The following CYP19A1 variants were observed in gnomAD, a reference collection of about 807,000 sequenced individuals.
The protein encoded by CYP19A1 is aromatase.
A neutral mutation model predicts 44.4 loss-of-function variants in CYP19A1; 32 were observed. The observed-to-expected ratio is 0.72, with a 90% CI of 0.54 to 0.97. The LOEUF (loss-of-function observed/expected upper bound fraction) is 0.97. Ranked by LOEUF, CYP19A1 falls within the 50% of genes least tolerant of loss-of-function variation. CYP19A1 has a pLI of 0.00. For synonymous variants in CYP19A1, 212 were observed against 215.6 expected, an observed-to-expected ratio of 0.98 and a Z score of 0.14; for missense variants, 598 against 637.8, an observed-to-expected ratio of 0.94 and a Z score of 0.67.
chr15:51,315,112 A>T (rs1017586122), intron 1 of CYP19A1, among the ~76,000 whole-genome samples: 4 of 152,098 alleles, frequency 2.6e-5, no homozygotes, highest in Non-Finnish European at 5.9e-5. Context: ...TGGCCTTGAG[A>T]TAACACAGAA....
chr15:51,332,263 A>C (rs989653517), intron 1 of CYP19A1, among the ~76,000 whole-genome samples: 5 of 152,006 alleles, frequency 3.3e-5, no homozygotes, highest in Admixed American at 2.0e-4. Context: ...CATTATACCA[A>C]CATAAGAGTC....
At position 51,227,858 on chromosome 15, in the gene CYP19A1, G is replaced by T; in HGVS notation, c.372C>A (p.Cys124Ter). The change falls in exon 4 of 10, where the codon TGC (cysteine) becomes TGA (stop). Residue 124 changes from cysteine (C) to a stop codon, truncating the protein, a stop_gained. Transcript: ENST00000396402. LOFTEE classifies it high-confidence loss of function. ...TGATGCCTTTCTCATGCATACCGATGCACTGCAGCCCAAGTTTGCTGCCGA... is the reference window on the plus strand; with the variant it reads ...TGATGCCTTTCTCATGCATACCGATTCACTGCAGCCCAAGTTTGCTGCCGA... ...SRFGSKLGLQ[C>*]IGMHEKGIIF... 2 of 1,531,396 alleles carry T rather than the reference G, an allele frequency of 1.3e-6. No homozygotes were observed. The highest frequency in any genetic ancestry group is 1.8e-6 in the Non-Finnish European group (2 of 1,104,592). The allele number at this position is 1,531,396 out of a possible 1,614,324, so 94.9% of individuals were successfully genotyped here. A position where few individuals can be genotyped will look rare whatever the true frequency, so the allele number is the denominator to read the frequency against.
At chr15:51,234,705 AT>A in intron 3 of CYP19A1, among the ~76,000 whole-genome samples, 1 of 152,186 alleles carries the variant, frequency 6.6e-6, no homozygotes, top group Admixed American at 6.5e-5. Context: ...CTCCTGCCCC[AT>A]GAGCTTCCTC....
intron 1 of CYP19A1, among the ~76,000 whole-genome samples, chr15:51,322,770 C>G (rs1048865762): frequency 3.3e-5 from 5 of 152,230 alleles, no homozygotes; most frequent in African/African-American, 1.2e-4. Flanking sequence ...CCAGCCTCTA[C>G]TGTGCTGGGT....
intron 1 of CYP19A1, chr15:51,321,712 C>A (rs1286345431): frequency 6.6e-6 from 1 of 152,260 alleles, no homozygotes; most frequent in African/African-American, 2.4e-5. Context: ...TAATCTGCAT[C>A]CTCCCAGAGT....
intron 1 of CYP19A1, among the ~76,000 whole-genome samples, chr15:51,323,496 T>C (rs1019725628): frequency 2.4e-5 from 3 of 123,368 alleles, no homozygotes; most frequent in African/African-American, 1.1e-4. Flanking sequence ...GTGTCTCTAC[T>C]TTTTTTTTTT....
intron 1 of CYP19A1, among the ~76,000 whole-genome samples, chr15:51,268,433 C>G (rs2035006348): frequency 6.6e-6 from 1 of 152,170 alleles, no homozygotes; most frequent in Admixed American, 6.5e-5. Context: ...ATAGTTTGTT[C>G]CTTAACATTG....
rs147416640 is a variant in CYP19A1 at position 51,238,458 on chromosome 15, A to C, written c.146-1449T>G. ...AATAAATTTTAAAAATTAATTAGGC[A>C]TGTGTATCTAATATAAAGGATGAAG... is the stretch of plus-strand genomic sequence containing the variant. On this transcript the variant is annotated intron_variant, in intron 2 of 9. Transcript: ENST00000396402. Among the ~76,000 whole-genome samples the C allele has an allele frequency of 3.8e-3, 576 of 152,324 alleles. 4 individuals carry two copies. The highest frequency in any genetic ancestry group is 0.013 in the African/African-American group (558 of 41,574).
intron 1 of CYP19A1, among the ~76,000 whole-genome samples, chr15:51,275,597 G>A (rs963543561): frequency 5.9e-5 from 9 of 152,142 alleles, no homozygotes; most frequent in Non-Finnish European, 1.3e-4. Flanking sequence ...GGAGACTTCT[G>A]GACAGTTGCT....
chr15:51,315,858 G>A (rs2036416508), intron 1 of CYP19A1: 1 of 152,216 alleles, frequency 6.6e-6, no homozygotes, highest in East Asian at 1.9e-4. Flanking sequence ...CTTGAACTAC[G>A]TGCTGGCAAG....
chr15:51,291,061 C>G (rs764009618), intron 1 of CYP19A1, among the ~76,000 whole-genome samples: 1 of 152,174 alleles, frequency 6.6e-6, no homozygotes, highest in Non-Finnish European at 1.5e-5. Flanking sequence ...TCACTGAGGT[C>G]CCAGCATGCC....
chr15:51,323,225 C>G (rs1018688640), intron 1 of CYP19A1, among the ~76,000 whole-genome samples: 1 of 152,190 alleles, frequency 6.6e-6, no homozygotes, highest in African/African-American at 2.4e-5. Flanking sequence ...CTCACCATGC[C>G]TGGCCTTTCT....
At chr15:51,222,114 G>T in intron 5 of CYP19A1, 2 of 665,568 alleles carry the variant, frequency 3.0e-6, no homozygotes, top group Non-Finnish European at 2.5e-6. Flanking sequence ...CTATTTCCTA[G>T]AGTAATGAGG....
intron 1 of CYP19A1, among the ~76,000 whole-genome samples, chr15:51,313,845 A>G (rs1025314253): frequency 6.6e-6 from 1 of 151,772 alleles, no homozygotes; most frequent in African/African-American, 2.4e-5. Context: ...AGGTTGGGAA[A>G]GGGCTGGGGT....
intron 1 of CYP19A1, among the ~76,000 whole-genome samples, chr15:51,308,768 C>T (rs906984659): frequency 3.3e-5 from 5 of 152,144 alleles, no homozygotes; most frequent in Non-Finnish European, 5.9e-5. Flanking sequence ...AGAAAAATCA[C>T]GTCACTTCTG....
Position 51,209,155 on chromosome 15 carries a change from T to A in CYP19A1, c.*1653A>T, listed in dbSNP as rs1236642880. The A allele has an allele frequency of 1.3e-5, 2 of 152,216 alleles. No homozygotes were observed. Among genetic ancestry groups the A allele is most frequent in the Admixed American group, 6.5e-5 (1 of 15,282 alleles). The allele number at this position is 152,216 out of a possible 1,614,324, so 9.4% of individuals were successfully genotyped here. On this transcript the variant is annotated 3_prime_UTR_variant, in exon 10 of 10. Coordinates refer to ENST00000396402, the MANE Select transcript of CYP19A1 (RefSeq NM_000103.4). ...ATATATTTTTAGGCCATATAGATGA[T>A]CCAAATAATTCCAAGCTCAAATAAA...
intron 4 of CYP19A1, among the ~76,000 whole-genome samples, chr15:51,226,565 C>A (rs911839361): frequency 5.9e-5 from 9 of 152,272 alleles, no homozygotes; most frequent in African/African-American, 2.2e-4. Flanking sequence ...CATAGCTCCC[C>A]CCATCTCAGC....
chr15:51,241,673 G>A (rs1295583949), intron 2 of CYP19A1, among the ~76,000 whole-genome samples: 1 of 152,078 alleles, frequency 6.6e-6, no homozygotes, highest in East Asian at 1.9e-4. Context: ...CCATGAAACA[G>A]TTGTCCCTTA....
At chr15:51,238,600 T>A (rs1201886173) in intron 2 of CYP19A1, among the ~76,000 whole-genome samples, 1 of 152,200 alleles carries the variant, frequency 6.6e-6, no homozygotes, top group East Asian at 1.9e-4. Flanking sequence ...GCGATTCTTT[T>A]GCCTCAGCCT....
Sources: gnomAD v4.1 joint callset for allele counts (sites outside exome capture counted in the v4.1 genomes callset) on GRCh38, gnomAD v4.1.1 for gene constraint, MANE v1.5 for transcripts, NCBI Gene and HGNC (gene_info 2026-07-23, HGNC 2026-07-21) for gene names.